PTCHD4: variants seen among roughly 807,000 people sequenced by gnomAD.
PTCHD4 encodes patched domain-containing protein 4.
A neutral mutation model predicts 58.1 loss-of-function variants in PTCHD4; 33 were observed. The observed-to-expected ratio is 0.57, with a 90% CI of 0.43 to 0.76. The LOEUF (loss-of-function observed/expected upper bound fraction) is 0.76. PTCHD4 is among the 30% of genes least tolerant of loss of function. The pLI, the probability that PTCHD4 is intolerant of heterozygous loss-of-function variation, is 0.00. For synonymous variants in PTCHD4, 478 were observed against 409.6 expected, an observed-to-expected ratio of 1.17 and a Z score of -2.02; for missense variants, 1,058 against 1,027.1, an observed-to-expected ratio of 1.03 and a Z score of -0.41.
At chr6:47,935,887 G>A (rs1765982496) in intron 4 of PTCHD4, among the ~76,000 whole-genome samples, 2 of 152,158 alleles carry the variant, frequency 1.3e-5, no homozygotes, top group African/African-American at 2.4e-5. Context: ...CAGATAAGGA[G>A]GGTAGAGAGT....
At chr6:47,927,051 C>A (rs1032610730) in intron 4 of PTCHD4, among the ~76,000 whole-genome samples, 4 of 152,066 alleles carry the variant, frequency 2.6e-5, no homozygotes, top group Non-Finnish European at 1.5e-5. Flanking sequence ...AGGGAAGAGG[C>A]TGTACCCACT....
chr6:47,970,035 A>G (rs1373386054), intron 4 of PTCHD4, among the ~76,000 whole-genome samples: 1 of 152,180 alleles, frequency 6.6e-6, no homozygotes, highest in African/African-American at 2.4e-5. Flanking sequence ...CAATCTGAGC[A>G]TATGGATGTA....
chr6:47,999,713 T>C (rs1321588306), intron 4 of PTCHD4, among the ~76,000 whole-genome samples: 1 of 152,192 alleles, frequency 6.6e-6, no homozygotes. Flanking sequence ...TGTTTTATCC[T>C]ACTAAATTTT....
At chr6:47,981,412 C>T (rs1767878132) in intron 4 of PTCHD4, among the ~76,000 whole-genome samples, 1 of 151,658 alleles carries the variant, frequency 6.6e-6, no homozygotes, top group Admixed American at 6.6e-5. Context: ...TTTTTCCTCT[C>T]TTTTTGCTGT....
At chr6:48,108,890 T>C (rs1045340041) in intron 1 of PTCHD4, among the ~76,000 whole-genome samples, 5 of 151,804 alleles carry the variant, frequency 3.3e-5, no homozygotes, top group African/African-American at 9.7e-5. Flanking sequence ...CTAGCAAGTC[T>C]GATTAATGGG....
chr6:47,954,013 G>GA (rs1275838212), intron 4 of PTCHD4, among the ~76,000 whole-genome samples: 10 of 152,064 alleles, frequency 6.6e-5, no homozygotes, highest in African/African-American at 2.2e-4. Context: ...CTTTACTACT[G>GA]AAGTGAAGCT....
Position 47,874,643 on chromosome 6 carries a change from A to G in PTCHD4, c.*3660T>C, listed in dbSNP as rs1211158602. Among the ~76,000 whole-genome samples, 6 of 151,812 alleles carry G rather than the reference A, an allele frequency of 4.0e-5. No homozygotes were observed. The highest frequency in any genetic ancestry group is 8.8e-5 in the Non-Finnish European group (6 of 67,828). Reference sequence around the variant, plus strand: ...ATTCAAGAATAACTATAATAGCATCATAAAACATTTGTCATCATTATTCTT... The same window carrying G: ...ATTCAAGAATAACTATAATAGCATCGTAAAACATTTGTCATCATTATTCTT... On this transcript the variant is annotated 3_prime_UTR_variant, in exon 5 of 5. Transcript: ENST00000339488.
chr6:48,033,142 A>G (rs1374057472), intron 3 of PTCHD4, among the ~76,000 whole-genome samples: 2 of 152,162 alleles, frequency 1.3e-5, no homozygotes, highest in Admixed American at 6.6e-5. Context: ...AAATCAACTT[A>G]TAGCCACTAC....
chr6:48,035,372 GGAC>G (rs1582055139), intron 3 of PTCHD4, among the ~76,000 whole-genome samples: 1 of 151,980 alleles, frequency 6.6e-6, no homozygotes, highest in East Asian at 1.9e-4. Context: ...TGTTTTCCCT[GGAC>G]CAACAGCCTC....
chr6:47,960,055 G>A (rs1767020480), intron 4 of PTCHD4, among the ~76,000 whole-genome samples: 1 of 152,016 alleles, frequency 6.6e-6, no homozygotes, highest in Non-Finnish European at 1.5e-5. Context: ...AATAATATGT[G>A]ATAACAATGA....
intron 1 of PTCHD4, among the ~76,000 whole-genome samples, chr6:48,079,340 G>T (rs1333067436): frequency 2.0e-5 from 3 of 151,998 alleles, no homozygotes; most frequent in Non-Finnish European, 4.4e-5. Flanking sequence ...ACAAATTAAA[G>T]AATTTTATGA....
intron 4 of PTCHD4, among the ~76,000 whole-genome samples, chr6:47,914,844 A>G (rs1177014444): frequency 6.6e-6 from 1 of 151,828 alleles, no homozygotes; most frequent in Non-Finnish European, 1.5e-5. Flanking sequence ...TGATTAATAC[A>G]GTCAAGTAAA....
chr6:47,883,627 A>T (rs1035308267), intron 4 of PTCHD4, among the ~76,000 whole-genome samples: 3 of 152,180 alleles, frequency 2.0e-5, no homozygotes, highest in Admixed American at 6.6e-5. Context: ...GAGAGATAAA[A>T]GTTTAATAAA....
At chr6:47,998,832 T>G (rs1768601313) in intron 4 of PTCHD4, among the ~76,000 whole-genome samples, 1 of 152,008 alleles carries the variant, frequency 6.6e-6, no homozygotes, top group Non-Finnish European at 1.5e-5. Context: ...ATGTCAAAGC[T>G]CTAAAAGAAG....
chr6:47,988,920 G>T (rs1768178379), intron 4 of PTCHD4, among the ~76,000 whole-genome samples: 1 of 152,220 alleles, frequency 6.6e-6, no homozygotes, highest in Non-Finnish European at 1.5e-5. Context: ...CTGGGTAACA[G>T]GCAGAGGTTG....
At chr6:48,013,443 T>C (rs961027955) in intron 3 of PTCHD4, among the ~76,000 whole-genome samples, 1 of 151,466 alleles carries the variant, frequency 6.6e-6, no homozygotes, top group African/African-American at 2.4e-5. Flanking sequence ...ATCTTTTTCC[T>C]TTTGGAATCA....
chr6:48,084,791 C>T (rs1317282763), intron 1 of PTCHD4, among the ~76,000 whole-genome samples: 14 of 149,434 alleles, frequency 9.4e-5, no homozygotes, highest in Middle Eastern at 3.2e-3. Flanking sequence ...TCACTCAGGC[C>T]GGAATGCAGT....
intron 4 of PTCHD4, among the ~76,000 whole-genome samples, chr6:47,935,247 A>G (rs182277030): frequency 1.1e-3 from 173 of 152,324 alleles, no homozygotes; most frequent in African/African-American, 3.3e-3. Flanking sequence ...AAACTATAAG[A>G]TCAATTGGGA....
intron 1 of PTCHD4, among the ~76,000 whole-genome samples, chr6:48,109,885 C>T (rs1373174786): frequency 1.3e-5 from 2 of 151,940 alleles, no homozygotes; most frequent in African/African-American, 2.4e-5. Context: ...TGAAATATTT[C>T]CTCACACCTA....
Sources: gnomAD v4.1 joint callset for allele counts (sites outside exome capture counted in the v4.1 genomes callset) on GRCh38, gnomAD v4.1.1 for gene constraint, MANE v1.5 for transcripts, NCBI Gene and HGNC (gene_info 2026-07-23, HGNC 2026-07-21) for gene names.